The following TNNI3K variants were observed in gnomAD, a reference collection of about 807,000 sequenced individuals.
TNNI3K encodes the protein serine/threonine-protein kinase TNNI3K.
Under a neutral mutation model 114.5 loss-of-function variants are expected in TNNI3K, and 140 were observed. That is an observed-to-expected ratio of 1.22 (90% confidence interval 1.07 to 1.41). The LOEUF (loss-of-function observed/expected upper bound fraction) is 1.41, where lower values mean the gene tolerates loss of function less well. Ranked by LOEUF, TNNI3K falls within the 40% of genes most tolerant of loss-of-function variation. The pLI is 0.00. For synonymous variants in TNNI3K, 347 were observed against 347.5 expected, an observed-to-expected ratio of 1.00 and a Z score of 0.02; for missense variants, 1,125 against 1,007.6, an observed-to-expected ratio of 1.12 and a Z score of -1.58.
chr1:74,335,787 T>C (rs192226204), intron 6 of TNNI3K, among the ~76,000 whole-genome samples: 1 of 152,296 alleles, frequency 6.6e-6, no homozygotes, highest in East Asian at 1.9e-4. Flanking sequence ...CATGAGTTGA[T>C]CTATCCTACT....
chr1:74,339,786 A>T (rs911346145), intron 7 of TNNI3K, among the ~76,000 whole-genome samples: 1 of 151,980 alleles, frequency 6.6e-6, no homozygotes, highest in African/African-American at 2.4e-5. Flanking sequence ...AAAAGGTTAA[A>T]ATATTGATGG....
chr1:74,536,293 G>C (rs1646660014), intron 23 of TNNI3K, among the ~76,000 whole-genome samples: 1 of 152,130 alleles, frequency 6.6e-6, no homozygotes, highest in Non-Finnish European at 1.5e-5. Flanking sequence ...AAACAGGCTA[G>C]TTTGTTCTGA....
intron 7 of TNNI3K, 140 bp downstream of exon 7, chr1:74,336,289 A>G (rs1660459614): frequency 9.0e-7 from 1 of 1,105,010 alleles, no homozygotes; most frequent in Non-Finnish European, 1.2e-6. Flanking sequence ...GTCATAATTC[A>G]TCTTTAATAT....
intron 17 of TNNI3K, among the ~76,000 whole-genome samples, chr1:74,392,984 T>G (rs748138004): frequency 3.9e-5 from 6 of 152,216 alleles, no homozygotes; most frequent in Non-Finnish European, 8.8e-5. Flanking sequence ...TTTTCCTGTG[T>G]TCTAAAAGCA....
chr1:74,428,340 G>A (rs1665731537), intron 17 of TNNI3K, among the ~76,000 whole-genome samples: 1 of 152,066 alleles, frequency 6.6e-6, no homozygotes, highest in African/African-American at 2.4e-5. Context: ...AGAACCAAGG[G>A]TATATACGAG....
intron 23 of TNNI3K, among the ~76,000 whole-genome samples, chr1:74,498,315 A>G (rs538874848): frequency 2.6e-5 from 4 of 152,192 alleles, no homozygotes; most frequent in Non-Finnish European, 5.9e-5. Flanking sequence ...CGTAATCACT[A>G]TGTCATGAAG....
chr1:74,333,093 A>G (rs985668304), intron 6 of TNNI3K, among the ~76,000 whole-genome samples: 1 of 152,032 alleles, frequency 6.6e-6, no homozygotes, highest in African/African-American at 2.4e-5. Flanking sequence ...ATTGTAGGTT[A>G]GAATTATACC....
chr1:74,456,599 C>T (rs1313699091), intron 20 of TNNI3K, among the ~76,000 whole-genome samples: 2 of 152,108 alleles, frequency 1.3e-5, no homozygotes, highest in Non-Finnish European at 2.9e-5. Flanking sequence ...AACCAGGTAC[C>T]CAGATTTGTG....
chr1:74,540,121 T>C (rs1646708450), intron 23 of TNNI3K, 113 bp from the exon 24 acceptor site: 1 of 1,110,854 alleles, frequency 9.0e-7, no homozygotes, highest in Non-Finnish European at 1.3e-6. Context: ...AAAGCTGCTT[T>C]GTATCACTTT....
chr1:74,502,514 A>C lies in TNNI3K; in HGVS notation c.2351+10248A>C, dbSNP rs545318571. Among the ~76,000 whole-genome samples the C allele has an allele frequency of 5.9e-5, 9 of 152,330 alleles. No individual in the cohort carries two copies. The South Asian group carries it at 1.2e-3, about 21-fold the overall frequency. On this transcript the variant is annotated intron_variant, in intron 23 of 24. Transcript: ENST00000326637. ...GGTAGTGTTTTCATTACATCATGCT[A>C]TCTCTGGAGACTTAACTTTGCCAAC...
At chr1:74,434,017 G>A (rs1367868790) in intron 17 of TNNI3K, among the ~76,000 whole-genome samples, 1 of 151,948 alleles carries the variant, frequency 6.6e-6, no homozygotes, top group Admixed American at 6.6e-5. Flanking sequence ...CAGATATTTT[G>A]ATGGATCCAC....
chr1:74,427,649 C>G (rs907639531), intron 17 of TNNI3K, among the ~76,000 whole-genome samples: 3 of 152,040 alleles, frequency 2.0e-5, no homozygotes, highest in Non-Finnish European at 2.9e-5. Flanking sequence ...GAATACATAG[C>G]TGTCATCTCC....
At chr1:74,338,299 T>C (rs1383558668) in intron 7 of TNNI3K, among the ~76,000 whole-genome samples, 1 of 152,018 alleles carries the variant, frequency 6.6e-6, no homozygotes, top group Non-Finnish European at 1.5e-5. Flanking sequence ...TTAGAATACA[T>C]AGAAGGACTT....
intron 4 of TNNI3K, among the ~76,000 whole-genome samples, chr1:74,256,683 C>T (rs951857814): frequency 6.6e-6 from 1 of 151,906 alleles, no homozygotes; most frequent in Non-Finnish European, 1.5e-5. Flanking sequence ...TTTCATAGTC[C>T]ACTCCCTGCA....
At chr1:74,377,973 C>A (rs182070785) in intron 17 of TNNI3K, among the ~76,000 whole-genome samples, 51 of 152,130 alleles carry the variant, frequency 3.4e-4, no homozygotes, top group Admixed American at 8.5e-4. Context: ...CATATGTTTT[C>A]GTAATGCTTC....
In TNNI3K at chr1:74,470,194, A is replaced by T. The variant is rs920014517; in HGVS notation, c.2121+6644A>T. 7.5e-6 allele frequency: 3 copies of T among 400,536 alleles called. No individual in the cohort carries two copies. In the East Asian group the frequency reaches 1.1e-4, roughly 14 times the overall value. The allele number at this position is 400,536 out of a possible 1,614,324, so 24.8% of individuals were successfully genotyped here. On this transcript the variant is annotated intron_variant, in intron 21 of 24. Transcript: ENST00000326637. ...ATTTTGGGTTTCATGGGAACTTGTG[A>T]TACTTAAATCTTTAGCTGTAATGGT...
chr1:74,421,001 ATAAC>A (rs1665368201), intron 17 of TNNI3K, among the ~76,000 whole-genome samples: 1 of 152,150 alleles, frequency 6.6e-6, no homozygotes, highest in South Asian at 2.1e-4. Context: ...CATGATATAA[ATAAC>A]TCCCACATGC....
chr1:74,415,692 A>G (rs767125595), intron 17 of TNNI3K, among the ~76,000 whole-genome samples: 43 of 146,724 alleles, frequency 2.9e-4, no homozygotes, highest in Admixed American at 2.0e-4. Context: ...TACTTTTTTG[A>G]TATTTTCTTT....
chr1:74,305,981 C>T (rs540160249), intron 5 of TNNI3K, among the ~76,000 whole-genome samples: 5 of 152,172 alleles, frequency 3.3e-5, no homozygotes, highest in East Asian at 1.9e-4. Context: ...AAAAAGTGAA[C>T]GTAGGTAGTT....
Sources: gnomAD v4.1 joint callset for allele counts (sites outside exome capture counted in the v4.1 genomes callset) on GRCh38, gnomAD v4.1.1 for gene constraint, MANE v1.5 for transcripts, NCBI Gene and HGNC (gene_info 2026-07-23, HGNC 2026-07-21) for gene names.